Variants in ESR1 observed in about 807,000 individuals in gnomAD.
The protein encoded by ESR1 is estrogen receptor 1, also known as estrogen receptor.
A neutral mutation model predicts 52.7 loss-of-function variants in ESR1; 12 were observed. The ratio of observed to expected loss-of-function variants is 0.23; its 90% confidence interval spans 0.15 to 0.37. ESR1 has a LOEUF of 0.37. ESR1 is among the 10% of genes least tolerant of loss of function. ESR1 has a pLI of 1.00. For synonymous variants in ESR1, 305 were observed against 316.8 expected (o/e 0.96, Z 0.39); for missense variants, 584 against 779.7 (o/e 0.75, Z 2.99).
At chr6:151,701,529 CAAAAAAAAA>C (rs57589542) in intron 1 of ESR1, among the ~76,000 whole-genome samples, 7 of 89,418 alleles carry the variant, frequency 7.8e-5, no homozygotes, top group Non-Finnish European at 8.5e-5. Context: ...CACTACATCT[CAAAAAAAAA>C]AAAAAAAAAA....
At chr6:152,020,615 T>G (rs1333764164) in intron 5 of ESR1, among the ~76,000 whole-genome samples, 2 of 152,062 alleles carry the variant, frequency 1.3e-5, no homozygotes, top group African/African-American at 4.8e-5. Context: ...CATGCCTGGC[T>G]AATTTTTGCA....
chr6:151,793,060 AC>A (rs1776342812), intron 2 of ESR1, among the ~76,000 whole-genome samples: 3 of 151,614 alleles, frequency 2.0e-5, no homozygotes, highest in African/African-American at 7.3e-5. Flanking sequence ...AGTCCCAGCT[AC>A]TCGGGCGGCT....
chr6:151,774,743 A>G (rs1474585508), intron 2 of ESR1, among the ~76,000 whole-genome samples: 1 of 152,226 alleles, frequency 6.6e-6, no homozygotes, highest in Admixed American at 6.5e-5. Context: ...ACCTTTCTAG[A>G]TCTTTATTGG....
intron 2 of ESR1, among the ~76,000 whole-genome samples, chr6:151,722,476 T>C (rs1272515665): frequency 6.6e-6 from 1 of 152,190 alleles, no homozygotes; most frequent in African/African-American, 2.4e-5. Context: ...GAGGAAAAAC[T>C]GTCCAAAGCT....
In ESR1 at chr6:152,094,597, G is replaced by T; in HGVS notation, c.1553+29G>T. The T allele has an allele frequency of 6.2e-7, 1 of 1,607,586 alleles. No individual in the cohort carries two copies. The highest frequency in any genetic ancestry group is 8.5e-7 in the Non-Finnish European group (1 of 1,177,274). The stretch of plus-strand genomic sequence containing the variant: ...AGGCATCTGTGGGCTTCCTACAGGA[G>T]AGACATAAAGAAAACATGCCCCCAA... On this transcript the variant is annotated intron_variant, in intron 7 of 7. Coordinates refer to ENST00000206249, the MANE Select transcript of ESR1 (RefSeq NM_000125.4). The surrounding 1 kb of genome is among the most constrained non-coding windows in gnomAD (Gnocchi z 4.6).
At position 152,103,063 on chromosome 6, in the gene ESR1, C is replaced by T; in HGVS notation, c.*4097C>T. On this transcript the variant is annotated 3_prime_UTR_variant, in exon 8 of 8. Transcript: ENST00000206249. ...AGCTCTTGTTTTATGGGAAAAGGCT[C>T]AAATGCCAAATTGTGTTTGATGGAT... The T allele has an allele frequency of 9.3e-6, 2 of 214,130 alleles. No individual in the cohort carries two copies. Among genetic ancestry groups the T allele is most frequent in the Non-Finnish European group, 1.9e-5 (2 of 107,564 alleles). The allele number at this position is 214,130 out of a possible 1,614,324, so 13.3% of individuals were successfully genotyped here. A position where few individuals can be genotyped will look rare whatever the true frequency, so the allele number is the denominator to read the frequency against.
intron 2 of ESR1, among the ~76,000 whole-genome samples, chr6:151,743,119 C>T (rs1034023835): frequency 3.9e-5 from 6 of 152,094 alleles, no homozygotes; most frequent in African/African-American, 1.4e-4. Context: ...GGTGAATTCC[C>T]AAGAACAGCC....
At chr6:151,675,219 T>C (rs946134067) in intron 1 of ESR1, among the ~76,000 whole-genome samples, 2 of 152,336 alleles carry the variant, frequency 1.3e-5, no homozygotes, top group Admixed American at 1.3e-4. Context: ...AAAACATTAC[T>C]AATTACGTGC....
Position 151,710,828 on chromosome 6 carries a change from G to C in ESR1, c.-71+8823G>C, listed in dbSNP as rs184829245. 2.8e-3 allele frequency among the ~76,000 whole-genome samples: 423 copies of C among 151,462 alleles called. 2 individuals are homozygous for C. Among genetic ancestry groups the C allele is most frequent in the Middle Eastern group, 0.01 (3 of 294 alleles). The stretch of plus-strand genomic sequence containing the variant: ...TGGTTTGATGTTCCTGTGTTAGTTT[G>C]CTGAGAATGATGATTGCCAGCTTCA... On this transcript the variant is annotated intron_variant, in intron 2 of 2. Transcript: ENST00000404742.
At chr6:151,825,541 T>C (rs1781331994) in intron 1 of ESR1, among the ~76,000 whole-genome samples, 1 of 152,208 alleles carries the variant, frequency 6.6e-6, no homozygotes, top group South Asian at 2.1e-4. Flanking sequence ...TACTCAGTCC[T>C]AACCTGAGGC....
At chr6:152,049,338 A>G (rs1427387987) in intron 5 of ESR1, among the ~76,000 whole-genome samples, 1 of 152,256 alleles carries the variant, frequency 6.6e-6, no homozygotes, top group African/African-American at 2.4e-5. Flanking sequence ...TAGAAAATAT[A>G]TAAAGAGTTC....
intron 5 of ESR1, among the ~76,000 whole-genome samples, chr6:152,024,868 T>C (rs1287288963): frequency 6.6e-6 from 1 of 150,810 alleles, no homozygotes; most frequent in African/African-American, 2.4e-5. Context: ...TATAAATACA[T>C]ATATAAATAT....
intron 5 of ESR1, among the ~76,000 whole-genome samples, chr6:152,031,620 T>A (rs1366038974): frequency 6.6e-6 from 1 of 152,004 alleles, no homozygotes. Context: ...AGACCAATAA[T>A]AGGCTCTGAA....
chr6:152,055,281 G>A (rs988348571), intron 5 of ESR1, among the ~76,000 whole-genome samples: 1 of 152,134 alleles, frequency 6.6e-6, no homozygotes, highest in South Asian at 2.1e-4. Context: ...CATAATGGTT[G>A]TAGTAATTTA....
chr6:151,866,144 G>A (rs1789862392), intron 2 of ESR1, among the ~76,000 whole-genome samples: 1 of 152,216 alleles, frequency 6.6e-6, no homozygotes, highest in Non-Finnish European at 1.5e-5. Context: ...TAAGAACTAT[G>A]AAATGCTCCA....
chr6:152,014,694 C>G (rs1317347164), intron 5 of ESR1, among the ~76,000 whole-genome samples: 1 of 152,120 alleles, frequency 6.6e-6, no homozygotes, highest in East Asian at 1.9e-4. Context: ...CCCCATTCCT[C>G]TGCATGGCAC....
intron 2 of ESR1, among the ~76,000 whole-genome samples, chr6:151,778,662 T>C (rs1429265800): frequency 6.6e-6 from 1 of 152,078 alleles, no homozygotes. Context: ...CACCTCAGCC[T>C]CCCAAAGTGC....
intron 1 of ESR1, among the ~76,000 whole-genome samples, chr6:151,672,177 G>T (rs1350436795): frequency 6.6e-6 from 1 of 151,656 alleles, no homozygotes; most frequent in East Asian, 2.0e-4. Context: ...TATGTGAGGT[G>T]GTAGATATGT....
Position 151,808,361 on chromosome 6 carries a change from A to G in ESR1, c.449A>G (p.Tyr150Cys). ...CGCGAGGCCGGCCCGCCGGCATTCT[A>G]CAGGTACCCGCGCCCGCGCCGCCCG... ...TVREAGPPAF[Y>C]RPNSDNRRQG... is the part of the protein sequence containing the mutation. Residue 150 changes from tyrosine to cysteine, a missense_variant, in exon 1 of 8, where the codon TAC (tyrosine) becomes TGC (cysteine). Transcript: ENST00000206249. 7.9e-7 allele frequency: 1 copy of G among 1,273,744 alleles called. No individual in the cohort carries two copies. The allele number at this position is 1,273,744 out of a possible 1,614,324, so 78.9% of individuals were successfully genotyped here.
Sources: allele counts gnomAD v4.1 joint callset (sites outside exome capture counted in the v4.1 genomes callset), GRCh38; gene constraint gnomAD v4.1.1; non-coding constraint Gnocchi (gnomAD v3.1); transcripts MANE v1.5; gene names NCBI Gene and HGNC (gene_info 2026-07-23, HGNC 2026-07-21).